The following C12orf42 variants were observed in gnomAD, a reference collection of about 807,000 sequenced individuals.
The protein encoded by C12orf42 is chromosome 12 open reading frame 42.
In C12orf42, 25 loss-of-function variants were observed where a neutral mutation model predicts 21.6. The observed-to-expected ratio is 1.16, with a 90% confidence interval of 0.84 to 1.62. C12orf42 has a LOEUF of 1.62. C12orf42 is among the 40% of genes most tolerant of loss of function. The pLI, the probability that C12orf42 is intolerant of heterozygous loss-of-function variation, is 0.00. For synonymous variants in C12orf42, 174 were observed against 175.0 expected (o/e 0.99, Z 0.05); for missense variants, 483 against 459.3 (o/e 1.05, Z -0.47).
chr12:103,448,058 C>T (rs1951690200), intron 2 of C12orf42, among the ~76,000 whole-genome samples: 1 of 151,924 alleles, frequency 6.6e-6, no homozygotes, highest in South Asian at 2.1e-4. Flanking sequence ...TATAATGCCA[C>T]AGTCACCAAA....
At chr12:103,494,984 T>C (rs1202956439) in intron 1 of C12orf42, among the ~76,000 whole-genome samples, 3 of 151,340 alleles carry the variant, frequency 2.0e-5, no homozygotes, top group Admixed American at 6.6e-5. Context: ...AAGTGCGGGG[T>C]TGGGGGGATG....
chr12:103,392,846 G>T (rs543088514), intron 3 of C12orf42, among the ~76,000 whole-genome samples: 16 of 152,302 alleles, frequency 1.1e-4, no homozygotes, highest in Admixed American at 3.9e-4. Context: ...CTTTCTGGCA[G>T]CTGTGCAGTA....
the C12orf42 span, among the ~76,000 whole-genome samples, chr12:103,067,454 T>G: frequency 6.6e-6 from 1 of 152,292 alleles, no homozygotes; most frequent in African/African-American, 2.4e-5. Flanking sequence ...CAATGCCAAC[T>G]AGGTGACAAT....
chr12:103,222,927 C>T, the C12orf42 span, among the ~76,000 whole-genome samples: 1 of 151,312 alleles, frequency 6.6e-6, no homozygotes, highest in Non-Finnish European at 1.5e-5. Flanking sequence ...TTATTTCTCT[C>T]ATCTTTTCCT....
At chr12:103,157,900 A>G in the C12orf42 span, among the ~76,000 whole-genome samples, 174 of 152,300 alleles carry the variant, frequency 1.1e-3, 1 homozygote, top group African/African-American at 4.0e-3. Flanking sequence ...ATGACCATAT[A>G]TGTTAAATGG....
the C12orf42 span, among the ~76,000 whole-genome samples, chr12:103,065,935 T>C: frequency 1.8e-4 from 28 of 152,170 alleles, no homozygotes; most frequent in African/African-American, 6.8e-4. Context: ...TCAAGCTCTG[T>C]CCAAGCTGCT....
chr12:103,247,967 T>G (rs1036257223), intron 10 of C12orf42, among the ~76,000 whole-genome samples: 1 of 152,046 alleles, frequency 6.6e-6, no homozygotes, highest in African/African-American at 2.4e-5. Flanking sequence ...ATGCCTATTT[T>G]ACCAATGAGG....
At chr12:103,488,190 G>T (rs1269519713) in intron 1 of C12orf42, among the ~76,000 whole-genome samples, 1 of 152,150 alleles carries the variant, frequency 6.6e-6, no homozygotes, top group African/African-American at 2.4e-5. Context: ...GTCTGTAAAG[G>T]ATTTTATTTC....
At chr12:103,402,640 A>T (rs946424807) in intron 2 of C12orf42, among the ~76,000 whole-genome samples, 1 of 152,230 alleles carries the variant, frequency 6.6e-6, no homozygotes, top group Non-Finnish European at 1.5e-5. Context: ...AATCACACAA[A>T]TAAAGTTAAG....
At chr12:103,368,317 T>TCACA (rs3065785) in intron 4 of C12orf42, among the ~76,000 whole-genome samples, 64 of 146,620 alleles carry the variant, frequency 4.4e-4, no homozygotes, top group East Asian at 1.6e-3. Flanking sequence ...TCTCTCTCTC[T>TCACA]CACACACACA....
intron 4 of C12orf42, among the ~76,000 whole-genome samples, chr12:103,343,750 G>A (rs1178885487): frequency 6.7e-6 from 1 of 149,550 alleles, no homozygotes; most frequent in Admixed American, 6.7e-5. Flanking sequence ...CTCCAGGTTG[G>A]GCAACAAGAG....
At chr12:103,489,905 C>T (rs1955082535) in intron 1 of C12orf42, among the ~76,000 whole-genome samples, 1 of 152,240 alleles carries the variant, frequency 6.6e-6, no homozygotes, top group East Asian at 1.9e-4. Context: ...CTTGCACCTC[C>T]CAAGTGAGCC....
At chr12:103,444,700 A>G (rs1014634233) in intron 2 of C12orf42, among the ~76,000 whole-genome samples, 7 of 152,058 alleles carry the variant, frequency 4.6e-5, no homozygotes, top group Admixed American at 4.6e-4. Context: ...TCCATATAAG[A>G]TTGTACATAT....
At chr12:103,071,123 T>G in the C12orf42 span, among the ~76,000 whole-genome samples, 7 of 152,114 alleles carry the variant, frequency 4.6e-5, no homozygotes, top group African/African-American at 1.7e-4. Context: ...GAACTGGTAA[T>G]TCACACTCAA....
At chr12:103,210,639 C>CTTTTTTTTTTTTTTTTTTTTTTTTTTT in the C12orf42 span, among the ~76,000 whole-genome samples, 5 of 77,632 alleles carry the variant, frequency 6.4e-5, no homozygotes, top group Admixed American at 1.5e-4. Flanking sequence ...CCCTCTATTT[C>CTTTTTTTTTTTTTTTTTTTTTTTTTTT]TTTTTTTTTT....
At chr12:103,217,773 A>G in the C12orf42 span, among the ~76,000 whole-genome samples, 19,447 of 151,976 alleles carry the variant, frequency 0.13, 2,504 homozygotes, top group East Asian at 0.33. Flanking sequence ...ATATAGTTAT[A>G]TATATTTGCT....
intron 3 of C12orf42, 122 bp downstream of exon 3, chr12:103,401,485 A>C: frequency 1.3e-6 from 1 of 784,326 alleles, no homozygotes; most frequent in Non-Finnish European, 2.1e-6. Flanking sequence ...AAAATGTAAA[A>C]AATCCTTTAC....
At chr12:103,484,420 G>A (rs539145758) in intron 1 of C12orf42, among the ~76,000 whole-genome samples, 2 of 152,312 alleles carry the variant, frequency 1.3e-5, no homozygotes, top group African/African-American at 2.4e-5. Context: ...CAGTGGTGAT[G>A]AGCATTTTTT....
At chr12:103,269,682 A>G (rs910399729) in intron 6 of C12orf42, 2 of 152,134 alleles carry the variant, frequency 1.3e-5, no homozygotes, top group Admixed American at 1.3e-4. Context: ...TGCTTGGGAT[A>G]TAAAGATAAG....
Sources: gnomAD v4.1 joint callset for allele counts (sites outside exome capture counted in the v4.1 genomes callset) on GRCh38, gnomAD v4.1.1 for gene constraint, MANE v1.5 for transcripts, NCBI Gene and HGNC (gene_info 2026-07-23, HGNC 2026-07-21) for gene names.